Variants in IQSEC2 observed in about 807,000 individuals in gnomAD.
The protein encoded by IQSEC2 is IQ motif and SEC7 domain-containing protein 2.
A neutral mutation model predicts 74.6 loss-of-function variants in IQSEC2; 6 were observed. The observed-to-expected ratio is 0.08, with a 90% CI of 0.04 to 0.16. The LOEUF (loss-of-function observed/expected upper bound fraction) is 0.16. Among genes scored for constraint, IQSEC2 ranks in the 10% least tolerant of loss-of-function variants. IQSEC2 has a pLI of 1.00. For missense variants in IQSEC2, 734 were observed against 1,306.2 expected (o/e 0.56, Z 6.75); for synonymous variants, 494 against 544.5 (o/e 0.91, Z 1.29).
At chrX:53,247,303 C>T (rs1245514344) in intron 7 of IQSEC2, among the ~76,000 whole-genome samples, 168 bp from the exon 8 acceptor site, 1 of 112,107 alleles carries the variant, frequency 8.9e-6, no homozygotes, top group African/African-American at 3.2e-5. Flanking sequence ...AAATCACAAT[C>T]GCTACCTTTT....
chrX:53,233,950 G>A lies in IQSEC2; in HGVS notation c.*269C>T. On this transcript the variant is annotated 3_prime_UTR_variant, in exon 15 of 15. Transcript: ENST00000642864. The stretch of plus-strand genomic sequence containing the variant: ...AAGAAGAAGACGGGAGAAAGAGTAC[G>A]AGGATCTCTGGAAGGCCCTCACCAC... 6.7e-6 allele frequency: 2 copies of A among 297,609 alleles called. No individual in the cohort carries two copies. Among genetic ancestry groups the A allele is most frequent in the East Asian group, 4.8e-5 (1 of 20,973 alleles). The allele number at this position is 297,609 out of a possible 1,213,427, so 24.5% of individuals were successfully genotyped here.
chrX:53,242,745 CT>C (rs1354104480), intron 9 of IQSEC2, among the ~76,000 whole-genome samples: 3 of 106,014 alleles, frequency 2.8e-5, no homozygotes, highest in Non-Finnish European at 3.9e-5. Flanking sequence ...TTTTTTTTTT[CT>C]TTTTTTGAGA....
Position 53,263,636 on chromosome X carries a change from C to G in IQSEC2, c.738-7575G>C, listed in dbSNP as rs958010463. Among the ~76,000 whole-genome samples, 43 of 111,771 alleles carry G rather than the reference C, an allele frequency of 3.8e-4. 1 individual carries two copies. The highest frequency in any genetic ancestry group is 9.1e-4 in the African/African-American group (28 of 30,711). ...AATGTCTTCTGTCTCCCCTTCACCC[C>G]CCGACTTGCTTGATCTGGGTGAGCT... On this transcript the variant is annotated intron_variant, in intron 2 of 14. Coordinates refer to ENST00000642864, the MANE Select transcript of IQSEC2 (RefSeq NM_001111125.3).
chrX:53,295,026 T>C (rs1436181946), intron 1 of IQSEC2, among the ~76,000 whole-genome samples: 2 of 111,135 alleles, frequency 1.8e-5, no homozygotes, highest in South Asian at 3.8e-4. Flanking sequence ...TTTCGCCATG[T>C]TGGCCAGGCT....
rs1387886026 is a variant in IQSEC2, at chrX:53,295,322, T to C, written c.708-3398A>G. On this transcript the variant is annotated intron_variant, in intron 1 of 14. Coordinates refer to ENST00000642864, the MANE Select transcript of IQSEC2 (RefSeq NM_001111125.3). ...GTTGCTTCTTCCACGTACAAGAATT[T>C]GGCCGGGCGCCATGGCTCACGCCTG... Among the ~76,000 whole-genome samples the C allele has an allele frequency of 2.7e-5, 3 of 111,452 alleles. No individual in the cohort carries two copies. The Admixed American group carries it at 2.9e-4, about 11-fold the overall frequency.
chrX:53,243,477 G>A lies in IQSEC2; in HGVS notation c.2750-6C>T. 1 of 1,172,418 alleles carries A rather than the reference G, an allele frequency of 8.5e-7. No homozygotes were observed. The highest frequency in any genetic ancestry group is 1.1e-6 in the Non-Finnish European group (1 of 874,267). On this transcript the variant is annotated splice_polypyrimidine_tract_variant and splice_region_variant and intron_variant, in intron 8 of 14. Coordinates refer to ENST00000642864, the MANE Select transcript of IQSEC2 (RefSeq NM_001111125.3). ...GTCTTCACCATTGTCAACCCCTGGG[G>A]GAGGGAGTAACACAGGGATATGTCA...
intron 2 of IQSEC2, among the ~76,000 whole-genome samples, chrX:53,268,983 A>G (rs894134185): frequency 8.9e-5 from 10 of 112,349 alleles, no homozygotes; most frequent in Admixed American, 7.5e-4. Context: ...TGCTTAGTGC[A>G]TGGTAACTAT....
chrX:53,241,915 C>G lies in IQSEC2; in HGVS notation c.2890-6G>C. 8.3e-7 allele frequency: 1 copy of G among 1,207,403 alleles called. No homozygotes were observed. Among genetic ancestry groups the G allele is most frequent in the Non-Finnish European group, 1.1e-6 (1 of 893,408 alleles). Reference sequence around the variant, plus strand: ...CGGTGAGGGAGAGACAGGACCTAGACAGGCATGAAGAAACAGGTGTCAGCA... The same window carrying G: ...CGGTGAGGGAGAGACAGGACCTAGAGAGGCATGAAGAAACAGGTGTCAGCA... On this transcript the variant is annotated splice_region_variant and splice_polypyrimidine_tract_variant and intron_variant, in intron 9 of 14. Transcript: ENST00000642864.
At chrX:53,291,296 A>G (rs1231522415) in intron 2 of IQSEC2, among the ~76,000 whole-genome samples, 1 of 111,646 alleles carries the variant, frequency 9.0e-6, no homozygotes, top group Non-Finnish European at 1.9e-5. Flanking sequence ...AAAACTTACT[A>G]TGTCTACCAA....
In IQSEC2 at chrX:53,321,007, G is replaced by T; in HGVS notation, c.117C>A (p.Thr39=). The part of the protein sequence containing the change: ...IIESQQQLLE[T]QRRRIEELEG... Reference sequence around the variant, plus strand: ...CCAGCTCCTCGATGCGCCGCCGCTGGGTTTCCAGCAGCTGCTGCTGGCTCT... The same window carrying T: ...CCAGCTCCTCGATGCGCCGCCGCTGTGTTTCCAGCAGCTGCTGCTGGCTCT... Residue 39 remains threonine (T), a synonymous_variant, in exon 1 of 15, where the codon ACC becomes ACA. Transcript: ENST00000642864. 1 of 1,158,506 alleles carries T rather than the reference G, an allele frequency of 8.6e-7. No homozygotes were observed.
intron 14 of IQSEC2, 127 bp from the exon 15 acceptor site, chrX:53,235,311 A>C: frequency 3.5e-6 from 3 of 862,854 alleles, no homozygotes; most frequent in Non-Finnish European, 4.9e-6. Context: ...TAAAAACCAA[A>C]TCACAGTCCG....
chrX:53,278,003 C>CTTTTTTTTTTTTTTTTTTTTTT (rs36027805), intron 2 of IQSEC2, among the ~76,000 whole-genome samples: 4 of 37,573 alleles, frequency 1.1e-4, no homozygotes, highest in Non-Finnish European at 1.3e-4. Flanking sequence ...TTTTCTTTTT[C>CTTTTTTTTTTTTTTTTTTTTTT]TTTTTTTTTT....
chrX:53,275,806 G>A (rs1425026336), intron 2 of IQSEC2, among the ~76,000 whole-genome samples: 2 of 89,231 alleles, frequency 2.2e-5, no homozygotes, highest in East Asian at 3.8e-4. Flanking sequence ...CCATTCTCCC[G>A]CCTCAGCCTC....
intron 10 of IQSEC2, 59 bp from the exon 11 acceptor site, chrX:53,239,353 G>A (rs1376419329): frequency 9.8e-6 from 7 of 714,913 alleles, no homozygotes; most frequent in African/African-American, 4.2e-5. Flanking sequence ...ATTTCCACGT[G>A]GCACCTATTT....
intron 8 of IQSEC2, among the ~76,000 whole-genome samples, chrX:53,243,933 G>A (rs2074262513): frequency 8.9e-6 from 1 of 112,125 alleles, no homozygotes; most frequent in African/African-American, 3.2e-5. Context: ...AAGAATGCTA[G>A]TGCAGGCGGG....
chrX:53,238,327 G>A, intron 11 of IQSEC2, 21 bp from the exon 12 acceptor site: 1 of 1,205,159 alleles, frequency 8.3e-7, no homozygotes, highest in Non-Finnish European at 1.1e-6. Flanking sequence ...AGGGGAGACT[G>A]GGCACCTCTG....
intron 2 of IQSEC2, chrX:53,279,588 G>A (rs781783191): frequency 1.8e-5 from 21 of 1,195,733 alleles, no homozygotes; most frequent in Non-Finnish European, 1.5e-5. Context: ...CCTGCCTGAG[G>A]GGGTAAGCTT....
chrX:53,256,513 C>G (rs2025661), intron 2 of IQSEC2, among the ~76,000 whole-genome samples: 6 of 110,822 alleles, frequency 5.4e-5, no homozygotes, highest in African/African-American at 2.0e-4. Flanking sequence ...CCTCCCAGTC[C>G]GATTCCCAGC....
chrX:53,235,651 G>T, intron 14 of IQSEC2, 132 bp downstream of exon 14: 1 of 626,153 alleles, frequency 1.6e-6, no homozygotes, highest in Non-Finnish European at 2.6e-6. Context: ...GGAGAGAGTG[G>T]TTGGCTGGGA....
Sources: gnomAD v4.1 joint callset for allele counts (sites outside exome capture counted in the v4.1 genomes callset) on GRCh38, gnomAD v4.1.1 for gene constraint, MANE v1.5 for transcripts, NCBI Gene and HGNC (gene_info 2026-07-23, HGNC 2026-07-21) for gene names.